Variants in PCNX2 observed in about 807,000 individuals in gnomAD.
PCNX2 encodes pecanex 2.
In PCNX2, 168 loss-of-function variants were observed where a neutral mutation model predicts 223.8. The observed-to-expected ratio is 0.75, with a 90% confidence interval of 0.66 to 0.85. PCNX2 has a LOEUF of 0.85. PCNX2 is among the 40% of genes least tolerant of loss of function. The probability of loss-of-function intolerance (pLI) is 0.00; values close to 1 mark genes in which losing one functional copy is unlikely to be tolerated. For missense variants in PCNX2, 2,507 were observed against 2,675.5 expected, an observed-to-expected ratio of 0.94 and a Z score of 1.39; for synonymous variants, 1,006 against 1,052.6, an observed-to-expected ratio of 0.96 and a Z score of 0.86.
intron 26 of PCNX2, among the ~76,000 whole-genome samples, chr1:233,017,467 G>A (rs1051325637): frequency 1.3e-4 from 20 of 151,872 alleles, no homozygotes; most frequent in South Asian, 4.2e-4. Flanking sequence ...ACAGGCGCCC[G>A]CCACCACGCC....
At chr1:233,118,491 C>CAAAA (rs35378781) in intron 21 of PCNX2, among the ~76,000 whole-genome samples, 25 of 94,376 alleles carry the variant, frequency 2.6e-4, no homozygotes, top group African/African-American at 4.9e-4. Flanking sequence ...AAGGCACCTA[C>CAAAA]AAAAAAAAAA....
At chr1:233,025,455 C>A in intron 25 of PCNX2, 56 bp from the exon 26 acceptor site, 1 of 1,590,168 alleles carries the variant, frequency 6.3e-7, no homozygotes, top group Non-Finnish European at 8.6e-7. Flanking sequence ...AGAATGTTTG[C>A]TTCAACGGAT....
At chr1:233,148,564 C>T (rs1677602763) in intron 19 of PCNX2, among the ~76,000 whole-genome samples, 1 of 151,910 alleles carries the variant, frequency 6.6e-6, no homozygotes. Context: ...CTACGCCAGG[C>T]TAATTTTTTG....
intron 23 of PCNX2, among the ~76,000 whole-genome samples, chr1:233,066,281 T>A (rs1203883078): frequency 5.3e-5 from 8 of 152,206 alleles, no homozygotes; most frequent in Admixed American, 5.2e-4. Flanking sequence ...CACTGAGCTG[T>A]GGGCAGTGAC....
chr1:233,173,667 C>T (rs1425537160), intron 17 of PCNX2, among the ~76,000 whole-genome samples: 2 of 152,158 alleles, frequency 1.3e-5, no homozygotes, highest in Non-Finnish European at 2.9e-5. Context: ...TTATAAATCT[C>T]AGCCTTCCTA....
intron 17 of PCNX2, chr1:233,167,650 AG>A (rs2102835449): frequency 6.7e-6 from 5 of 746,716 alleles, no homozygotes; most frequent in Non-Finnish European, 8.2e-6. Flanking sequence ...TACTATCTAT[AG>A]GTACCTCATG....
chr1:233,027,362 C>A (rs1217145438), intron 25 of PCNX2, among the ~76,000 whole-genome samples: 2 of 152,136 alleles, frequency 1.3e-5, no homozygotes, highest in African/African-American at 4.8e-5. Context: ...GCAACAATTT[C>A]TGGAAGTTTA....
At chr1:233,287,280 T>C (rs1438762530) in intron 1 of PCNX2, among the ~76,000 whole-genome samples, 1 of 152,224 alleles carries the variant, frequency 6.6e-6, no homozygotes, top group Non-Finnish European at 1.5e-5. Flanking sequence ...TGTCCTTTTG[T>C]ACATTTTTAG....
intron 21 of PCNX2, among the ~76,000 whole-genome samples, chr1:233,119,933 G>A (rs140828398): frequency 0.019 from 2,868 of 151,992 alleles, 51 homozygotes; most frequent in Non-Finnish European, 0.032. Flanking sequence ...TTGGGAGGCC[G>A]AGGCGGGTGG....
intron 28 of PCNX2, among the ~76,000 whole-genome samples, chr1:233,013,508 G>A (rs1670547985): frequency 6.6e-6 from 1 of 152,160 alleles, no homozygotes. Flanking sequence ...TTACCTGACA[G>A]CCCAGAACTG....
intron 32 of PCNX2, among the ~76,000 whole-genome samples, chr1:232,992,215 T>G (rs1669727410): frequency 6.6e-6 from 1 of 152,190 alleles, no homozygotes; most frequent in Non-Finnish European, 1.5e-5. Context: ...AGTGCCTTCT[T>G]TCCTCAGCAT....
At chr1:233,082,345 C>G (rs1213732327) in intron 23 of PCNX2, among the ~76,000 whole-genome samples, 1 of 152,098 alleles carries the variant, frequency 6.6e-6, no homozygotes, top group Non-Finnish European at 1.5e-5. Context: ...AATAATAGAT[C>G]CAGGGCCCAA....
At chr1:233,095,119 A>G (rs1167672206) in intron 22 of PCNX2, among the ~76,000 whole-genome samples, 1 of 152,180 alleles carries the variant, frequency 6.6e-6, no homozygotes, top group African/African-American at 2.4e-5. Flanking sequence ...GCGTGCACAT[A>G]TATAAAACTT....
the PCNX2 span, among the ~76,000 whole-genome samples, chr1:233,310,557 T>A: frequency 6.6e-6 from 1 of 152,080 alleles, no homozygotes; most frequent in Non-Finnish European, 1.5e-5. Flanking sequence ...AGGAGAGATG[T>A]GTGTATCCTG....
At chr1:233,105,302 G>A (rs906051833) in intron 21 of PCNX2, among the ~76,000 whole-genome samples, 3 of 152,134 alleles carry the variant, frequency 2.0e-5, no homozygotes, top group African/African-American at 7.2e-5. Context: ...AAGAAAAACT[G>A]TATGTTGCTC....
intron 21 of PCNX2, among the ~76,000 whole-genome samples, chr1:233,123,347 C>T (rs888199041): frequency 1.3e-5 from 2 of 151,928 alleles, no homozygotes; most frequent in East Asian, 1.9e-4. Context: ...TTTGGGAGGC[C>T]GAGGTGGGCG....
chr1:233,048,725 T>C (rs913705490), intron 25 of PCNX2, among the ~76,000 whole-genome samples: 5 of 151,912 alleles, frequency 3.3e-5, no homozygotes, highest in African/African-American at 9.7e-5. Context: ...CAAAAGTTGA[T>C]TTGAAAGGAT....
chr1:233,284,711 A>G (rs1661356069), intron 1 of PCNX2, among the ~76,000 whole-genome samples: 1 of 152,114 alleles, frequency 6.6e-6, no homozygotes, highest in Non-Finnish European at 1.5e-5. Flanking sequence ...TCCAACAAAC[A>G]TGTCCAGTTA....
chr1:233,293,933 G>A (rs1235770511), intron 1 of PCNX2: 2 of 981,574 alleles, frequency 2.0e-6, no homozygotes, highest in African/African-American at 1.8e-5. Flanking sequence ...GGGGCCCATA[G>A]GCTAAGGAAA....
Sources: allele counts gnomAD v4.1 joint callset (sites outside exome capture counted in the v4.1 genomes callset), GRCh38; gene constraint gnomAD v4.1.1; transcripts MANE v1.5; gene names NCBI Gene and HGNC (gene_info 2026-07-23, HGNC 2026-07-21).